MPP2: variants seen among roughly 807,000 people sequenced by gnomAD.
The protein encoded by MPP2 is MAGUK p55 scaffold protein 2, also known as MAGUK p55 subfamily member 2.
A neutral mutation model predicts 58.5 loss-of-function variants in MPP2; 42 were observed. The ratio of observed to expected loss-of-function variants is 0.72; its 90% confidence interval spans 0.56 to 0.93. The LOEUF is 0.93. Among genes scored for constraint, MPP2 ranks in the 40% least tolerant of loss-of-function variants. The pLI, the probability that MPP2 is intolerant of heterozygous loss-of-function variation, is 0.00. For synonymous variants in MPP2, 300 were observed against 307.8 expected, an observed-to-expected ratio of 0.97 and a Z score of 0.26; for missense variants, 632 against 760.4, an observed-to-expected ratio of 0.83 and a Z score of 1.99.
chr17:43,889,450 C>A (rs2047507529), intron 3 of MPP2, among the ~76,000 whole-genome samples: 1 of 150,984 alleles, frequency 6.6e-6, no homozygotes, highest in African/African-American at 2.4e-5. Context: ...GCAACCTACA[C>A]CTCCCGGGTT....
chr17:43,909,433 C>T (rs535139473), upstream of MPP2: 1 of 592,586 alleles, frequency 1.7e-6, no homozygotes, highest in Admixed American at 4.2e-5. Flanking sequence ...CCTCCACTGT[C>T]ACCTGTCCAC....
intron 2 of MPP2, 81 bp from the exon 3 acceptor site, chr17:43,898,461 T>G (rs2047944875): frequency 1.3e-6 from 1 of 767,018 alleles, no homozygotes; most frequent in Non-Finnish European, 2.0e-6. Flanking sequence ...ACTTGCCACT[T>G]CCCCACCCCC....
chr17:43,904,591 G>C (rs2048219824), intron 1 of MPP2, 98 bp from the exon 2 acceptor site: 3 of 1,014,368 alleles, frequency 3.0e-6, no homozygotes, highest in Non-Finnish European at 3.0e-6. Context: ...AGAAAGGTAG[G>C]GGAGAAGGTG....
chr17:43,906,423 G>A (rs1409092232), intron 1 of MPP2, among the ~76,000 whole-genome samples: 1 of 152,146 alleles, frequency 6.6e-6, no homozygotes, highest in Non-Finnish European at 1.5e-5. Flanking sequence ...CCAAAAGCCT[G>A]GGCCCAGATG....
At chr17:43,904,575 C>A in intron 1 of MPP2, 82 bp from the exon 2 acceptor site, 4 of 1,271,508 alleles carry the variant, frequency 3.1e-6, no homozygotes, top group Non-Finnish European at 4.5e-6. Context: ...CCCTTCAGGA[C>A]GAGCCAGAAA....
chr17:43,883,061 T>G lies in MPP2; in HGVS notation c.304-9A>C. ...TGCGTCTCCAGGAGGGACTGGGGGG[T>G]GGTGGGAAGAGAAGGGACAATGGGG... On this transcript the variant is annotated splice_polypyrimidine_tract_variant and intron_variant, in intron 4 of 12. Transcript: ENST00000269095. The G allele has an allele frequency of 1.2e-6, 2 of 1,607,110 alleles. No individual in the cohort carries two copies. The highest frequency in any genetic ancestry group is 1.7e-6 in the Non-Finnish European group (2 of 1,176,908).
At position 43,898,738 on chromosome 17, in the gene MPP2, G is replaced by A. The variant is rs1055149888; in HGVS notation, c.32-358C>T. ...GCACCAGAAAACCACAAGCTGTTGG[G>A]TGGATCACTTGAGGCCAGGAGTTCA... On this transcript the variant is annotated intron_variant, in intron 2 of 12. Coordinates refer to ENST00000269095, the MANE Select transcript of MPP2 (RefSeq NM_005374.5). 8.5e-5 allele frequency among the ~76,000 whole-genome samples: 13 copies of A among 152,236 alleles called. No homozygotes were observed. In the South Asian group the frequency reaches 2.7e-3, roughly 31 times the overall value.
chr17:43,900,762 G>A, intron 2 of MPP2: 6 of 467,050 alleles, frequency 1.3e-5, no homozygotes, highest in Non-Finnish European at 1.4e-5. Flanking sequence ...GCGGTAACCC[G>A]GGTGGGAGAA....
intron 3 of MPP2, among the ~76,000 whole-genome samples, chr17:43,887,927 A>T (rs2047440550): frequency 6.6e-6 from 1 of 152,118 alleles, no homozygotes. Flanking sequence ...TATGGCTGAG[A>T]TGTACTCCAA....
chr17:43,907,094 C>A, intron 1 of MPP2: 1 of 905,796 alleles, frequency 1.1e-6, no homozygotes, highest in Non-Finnish European at 1.3e-6. Context: ...GTCTCGCTCC[C>A]CAACCCCCGG....
chr17:43,891,191 T>C (rs1274382720), intron 3 of MPP2, among the ~76,000 whole-genome samples: 1 of 152,116 alleles, frequency 6.6e-6, no homozygotes, highest in Non-Finnish European at 1.5e-5. Context: ...TGAACTCTAG[T>C]CTGAAGCTAA....
chr17:43,883,239 G>GGCGGCTGTGCTGCTCTGCTCA lies in MPP2; in HGVS notation c.246_266dup (p.Gln84_Glu90dup). ...GCTCCTGGAGGATGTGGGCCAGCTC[G>GGCGGCTGTGCTGCTCTGCTCA]GCGGCTGTGCTGCTCTGCTCAGCCA... On this transcript the variant is annotated inframe_insertion, in exon 4 of 13. Transcript: ENST00000269095. The GGCGGCTGTGCTGCTCTGCTCA allele has an allele frequency of 6.2e-7, 1 of 1,609,050 alleles. No homozygotes were observed.
chr17:43,900,449 C>G (rs1033456320), intron 2 of MPP2: 2 of 1,546,222 alleles, frequency 1.3e-6, no homozygotes, highest in Non-Finnish European at 1.7e-6. Flanking sequence ...GCCCCGCCCC[C>G]ATCTGGCCCG....
upstream of MPP2, chr17:43,909,581 G>T (rs780599575): frequency 6.8e-7 from 1 of 1,472,126 alleles, no homozygotes; most frequent in South Asian, 1.4e-5. Flanking sequence ...TTCCATTTAG[G>T]ATCCTCAGGA....
At chr17:43,886,222 T>C (rs2047363226) in intron 3 of MPP2, among the ~76,000 whole-genome samples, 1 of 152,200 alleles carries the variant, frequency 6.6e-6, no homozygotes, top group Non-Finnish European at 1.5e-5. Flanking sequence ...TCTGGCTTTT[T>C]ATTTAAAAAT....
At position 43,879,552 on chromosome 17, in the gene MPP2, CA is replaced by C; in HGVS notation, c.1354-150del. 9.2e-7 allele frequency: 1 copy of C among 1,085,600 alleles called. No individual in the cohort carries two copies. 67.2% of individuals were successfully genotyped at this position (1,085,600 alleles called of 1,614,324 possible). On this transcript the variant is annotated intron_variant, in intron 11 of 12. Transcript: ENST00000269095. This position sits in a 1 kb window ranked among gnomAD's most constrained non-coding sequence, Gnocchi z 4.1. ...GGGGTCTGGGACATGAGTCCTGGGA[CA>C]AATGACAAACAGCTGGCAGGTGGCT...
upstream of MPP2, chr17:43,907,683 C>T: frequency 4.1e-6 from 4 of 985,638 alleles, no homozygotes; most frequent in Non-Finnish European, 4.8e-6. Context: ...ACGGGGGCAG[C>T]CAGGTAGTGG....
At chr17:43,887,522 T>G (rs966231272) in intron 3 of MPP2, among the ~76,000 whole-genome samples, 1 of 152,082 alleles carries the variant, frequency 6.6e-6, no homozygotes, top group African/African-American at 2.4e-5. Context: ...TTCTAGGACG[T>G]GTATGATTTA....
chr17:43,900,747 A>C, intron 2 of MPP2: 1 of 979,758 alleles, frequency 1.0e-6, no homozygotes, highest in South Asian at 2.4e-5. Flanking sequence ...CGCGGTGCAG[A>C]GCAGGCGGTA....
Sources: gnomAD v4.1 joint callset for allele counts (sites outside exome capture counted in the v4.1 genomes callset) on GRCh38, gnomAD v4.1.1 for gene constraint, Gnocchi (gnomAD v3.1) non-coding constraint, MANE v1.5 for transcripts, NCBI Gene and HGNC (gene_info 2026-07-23, HGNC 2026-07-21) for gene names.